The following AKAP6 variants were observed in gnomAD, a reference collection of about 807,000 sequenced individuals.
AKAP6 encodes the protein A-kinase anchoring protein 6.
A neutral mutation model predicts 188.5 loss-of-function variants in AKAP6; 58 were observed. The ratio of observed to expected loss-of-function variants is 0.31; its 90% CI spans 0.25 to 0.38. The LOEUF (loss-of-function observed/expected upper bound fraction) is 0.38. AKAP6 is among the 10% of genes least tolerant of loss of function. The probability of loss-of-function intolerance (pLI) is 1.00; values close to 1 mark genes in which losing one functional copy is unlikely to be tolerated. For missense variants in AKAP6, 2,710 were observed against 2,740.0 expected, an observed-to-expected ratio of 0.99 and a Z score of 0.24; for synonymous variants, 989 against 998.6, an observed-to-expected ratio of 0.99 and a Z score of 0.18.
At chr14:32,336,884 C>T (rs1886720140) in intron 1 of AKAP6, among the ~76,000 whole-genome samples, 1 of 152,214 alleles carries the variant, frequency 6.6e-6, no homozygotes, top group Admixed American at 6.5e-5. Flanking sequence ...CTGAGGCCCT[C>T]ATCTCCCTGC....
At chr14:32,557,543 T>G (rs1313564900) in intron 4 of AKAP6, among the ~76,000 whole-genome samples, 1 of 152,230 alleles carries the variant, frequency 6.6e-6, no homozygotes. Flanking sequence ...TAAATTCAAT[T>G]CTTACTTGCC....
At chr14:32,525,627 A>G (rs1372822110) in intron 2 of AKAP6, among the ~76,000 whole-genome samples, 1 of 152,222 alleles carries the variant, frequency 6.6e-6, no homozygotes, top group African/African-American at 2.4e-5. Flanking sequence ...GACTGCTGAC[A>G]TTACTTGCTG....
At chr14:32,487,589 C>A (rs938867737) in intron 2 of AKAP6, among the ~76,000 whole-genome samples, 7 of 152,222 alleles carry the variant, frequency 4.6e-5, no homozygotes, top group African/African-American at 1.7e-4. Flanking sequence ...CCCTTGCTGG[C>A]GAGGAGTTGT....
intron 1 of AKAP6, among the ~76,000 whole-genome samples, chr14:32,347,771 T>A (rs1243986564): frequency 6.6e-6 from 1 of 152,216 alleles, no homozygotes; most frequent in Non-Finnish European, 1.5e-5. Context: ...CCTTGGCCAC[T>A]TTTTAAAAAG....
Position 32,822,003 on chromosome 14 carries a change from A to G in AKAP6, c.4190A>G (p.His1397Arg). The change falls in exon 13 of 14, where the codon CAT (histidine) becomes CGT (arginine). Residue 1397 changes from histidine to arginine, a missense_variant. Transcript: ENST00000280979. ...DGSPSNLETE[H>R]LDPQMGDAVN... The stretch of plus-strand genomic sequence containing the variant: ...TCCCCAAGTAACCTTGAAACTGAAC[A>G]TCTGGACCCACAAATGGGAGATGCA... 6.2e-7 allele frequency: 1 copy of G among 1,614,014 alleles called. No individual in the cohort carries two copies. Among genetic ancestry groups the G allele is most frequent in the Non-Finnish European group, 8.5e-7 (1 of 1,179,956 alleles).
chr14:32,521,854 C>G (rs2139062639), intron 2 of AKAP6, among the ~76,000 whole-genome samples: 1 of 152,140 alleles, frequency 6.6e-6, no homozygotes, highest in Non-Finnish European at 1.5e-5. Context: ...AGTTCATGTG[C>G]AACCAAAAAA....
chr14:32,439,769 A>G lies in AKAP6; in HGVS notation c.324+5952A>G, dbSNP rs576968535. Among the ~76,000 whole-genome samples, 7 of 106,074 alleles carry G rather than the reference A, an allele frequency of 6.6e-5. No individual in the cohort carries two copies. In the South Asian group the frequency reaches 1.8e-3, roughly 27 times the overall value. The allele number at this position is 106,074 out of a possible 152,430, so 69.6% of individuals were successfully genotyped here. ...GGGGAAGGAACTCTGAGTGGAACTAAACTTCTGACATTAAAAGTTACTGGC... is the reference window on the plus strand; with the variant it reads ...GGGGAAGGAACTCTGAGTGGAACTAGACTTCTGACATTAAAAGTTACTGGC... On this transcript the variant is annotated intron_variant, in intron 2 of 13. Coordinates refer to ENST00000280979, the MANE Select transcript of AKAP6 (RefSeq NM_004274.5).
At chr14:32,579,013 C>T (rs1051290784) in intron 5 of AKAP6, among the ~76,000 whole-genome samples, 1 of 152,094 alleles carries the variant, frequency 6.6e-6, no homozygotes, top group Admixed American at 6.6e-5. Context: ...TATGTGGGGG[C>T]CACTAACTGC....
Position 32,624,727 on chromosome 14 carries a change from A to T in AKAP6, c.2730+23935A>T, listed in dbSNP as rs143663010. On this transcript the variant is annotated intron_variant, in intron 7 of 13. Coordinates refer to ENST00000280979, the MANE Select transcript of AKAP6 (RefSeq NM_004274.5). ...CAACCCTATAATTAGGAAGAAAATT[A>T]TGAGAAGTTATTTTTATTCTCAAAA... Among the ~76,000 whole-genome samples the T allele has an allele frequency of 9.4e-3, 1,435 of 152,246 alleles. 14 individuals carry two copies. Among genetic ancestry groups the T allele is most frequent in the Non-Finnish European group, 0.012 (836 of 67,988 alleles).
At chr14:32,655,136 C>T (rs1026530015) in intron 7 of AKAP6, among the ~76,000 whole-genome samples, 1 of 152,050 alleles carries the variant, frequency 6.6e-6, no homozygotes, top group Admixed American at 6.5e-5. Context: ...AGTGAATATG[C>T]AGCAGATTAG....
intron 5 of AKAP6, among the ~76,000 whole-genome samples, chr14:32,596,149 C>G (rs963106717): frequency 2.0e-5 from 3 of 152,124 alleles, no homozygotes; most frequent in African/African-American, 7.2e-5. Flanking sequence ...TTGAACCACT[C>G]TGGACATTTA....
intron 11 of AKAP6, among the ~76,000 whole-genome samples, chr14:32,756,418 C>A (rs1444848373): frequency 6.6e-6 from 1 of 151,994 alleles, no homozygotes; most frequent in Non-Finnish European, 1.5e-5. Flanking sequence ...CAGGGGTAAT[C>A]CTGGAGCCTG....
chr14:32,581,511 C>T (rs550681680), intron 5 of AKAP6, among the ~76,000 whole-genome samples: 99 of 152,002 alleles, frequency 6.5e-4, no homozygotes, highest in African/African-American at 2.1e-3. Flanking sequence ...CTATTAGGTC[C>T]GCTTGGTGCA....
rs1291414603 is a variant in AKAP6, at chr14:32,592,896, C to A, written c.2470-6514C>A. ...GGAGGAGCCAGGATTTGAACACAGG[C>A]TGTCCTGCTCCAGAGCCCTTGCTTG... On this transcript the variant is annotated intron_variant, in intron 5 of 13. Transcript: ENST00000280979. Among the ~76,000 whole-genome samples the A allele has an allele frequency of 1.3e-5, 2 of 152,092 alleles. 1 individual carries two copies. The highest frequency in any genetic ancestry group is 2.9e-5 in the Non-Finnish European group (2 of 68,026).
In AKAP6 at chr14:32,821,765, A is replaced by G. The variant is rs1400396586; in HGVS notation, c.3952A>G (p.Asn1318Asp). Reference sequence around the variant, plus strand: ...AAAGGTCACTGGCATGACACAGCCTAATGTTTTAACTAAGAGTCTCAGTAA... The same window carrying G: ...AAAGGTCACTGGCATGACACAGCCTGATGTTTTAACTAAGAGTCTCAGTAA... ...NPKVTGMTQP[N>D]VLTKSLSKDS... Residue 1318 changes from asparagine to aspartate, a missense_variant, in exon 13 of 14, where the codon AAT (asparagine) becomes GAT (aspartate). Asn to Asp is a conservative substitution (Grantham distance 23, BLOSUM62 1). Around this residue, in one of 2 missense-constraint regions of AKAP6, gnomAD observed 2,473 missense variants for 2,426.1 expected, o/e 1.02. Coordinates refer to ENST00000280979, the MANE Select transcript of AKAP6 (RefSeq NM_004274.5). 5.6e-6 allele frequency: 9 copies of G among 1,613,808 alleles called. No individual in the cohort carries two copies. The highest frequency in any genetic ancestry group is 7.6e-6 in the Non-Finnish European group (9 of 1,179,918).
chr14:32,662,263 A>G lies in AKAP6; in HGVS notation c.2731-16048A>G, dbSNP rs186596657. Among the ~76,000 whole-genome samples the G allele has an allele frequency of 6.8e-4, 104 of 152,260 alleles. No homozygotes were observed. In the Middle Eastern group the frequency reaches 0.017, roughly 25 times the overall value. ...TGGGCATGGGATTCTGACTAACAGT[A>G]GAATGTTTGTCATTTTAAAAAAATA... On this transcript the variant is annotated intron_variant, in intron 7 of 13. Transcript: ENST00000280979.
At chr14:32,689,592 A>G (rs1193877442) in intron 8 of AKAP6, among the ~76,000 whole-genome samples, 1 of 152,130 alleles carries the variant, frequency 6.6e-6, no homozygotes, top group Non-Finnish European at 1.5e-5. Flanking sequence ...CCACACTTTC[A>G]TATGTTTAGA....
chr14:32,509,941 G>A (rs1251503157), intron 2 of AKAP6, among the ~76,000 whole-genome samples: 2 of 152,100 alleles, frequency 1.3e-5, no homozygotes, highest in Admixed American at 1.3e-4. Context: ...GGAAATCTCT[G>A]TCATTCCATA....
chr14:32,829,609 C>T (rs1212850942), intron 13 of AKAP6, among the ~76,000 whole-genome samples: 4 of 111,486 alleles, frequency 3.6e-5, no homozygotes, highest in Non-Finnish European at 5.3e-5. Flanking sequence ...TTTGAAACCA[C>T]GTCTTTTTAA....
Sources: gnomAD v4.1 joint callset for allele counts (sites outside exome capture counted in the v4.1 genomes callset) on GRCh38, gnomAD v4.1.1 for gene constraint, gnomAD v4.1.1 regional missense constraint, MANE v1.5 for transcripts, NCBI Gene and HGNC (gene_info 2026-07-23, HGNC 2026-07-21) for gene names.